PIGH: variants seen among roughly 807,000 people sequenced by gnomAD.
PIGH encodes phosphatidylinositol N-acetylglucosaminyltransferase subunit H.
A neutral mutation model predicts 20.1 loss-of-function variants in PIGH; 11 were observed. The ratio of observed to expected loss-of-function variants is 0.55; its 90% confidence interval spans 0.34 to 0.91. The LOEUF (loss-of-function observed/expected upper bound fraction) is 0.91, where lower values mean the gene tolerates loss of function less well. Among genes scored for constraint, PIGH ranks in the 40% least tolerant of loss-of-function variants. The probability of loss-of-function intolerance (pLI) is 0.02; values close to 1 mark genes in which losing one functional copy is unlikely to be tolerated. For missense variants in PIGH, 189 were observed against 233.6 expected, an observed-to-expected ratio of 0.81 and a Z score of 1.24; for synonymous variants, 72 against 93.1, an observed-to-expected ratio of 0.77 and a Z score of 1.31.
intron 2 of PIGH, chr14:67,593,515 G>C (rs931851159): frequency 9.6e-6 from 5 of 518,470 alleles, no homozygotes; most frequent in African/African-American, 5.8e-5. Context: ...AAAAAAGATA[G>C]AAAGAGAAGG....
At chr14:67,596,408 T>C (rs1021771443) in intron 1 of PIGH, among the ~76,000 whole-genome samples, 1 of 146,694 alleles carries the variant, frequency 6.8e-6, no homozygotes, top group African/African-American at 2.5e-5. Flanking sequence ...CCCAAAGTGC[T>C]GGGATTCCAG....
At chr14:67,593,694 G>T in intron 2 of PIGH, 49 bp downstream of exon 2, 1 of 1,084,144 alleles carries the variant, frequency 9.2e-7, no homozygotes, top group Non-Finnish European at 1.4e-6. Flanking sequence ...CCCATGGGCT[G>T]GCTACCTCCT....
chr14:67,598,304 G>C (rs568963668), intron 1 of PIGH, among the ~76,000 whole-genome samples: 2 of 152,212 alleles, frequency 1.3e-5, no homozygotes, highest in South Asian at 4.2e-4. Flanking sequence ...AGAGTACACC[G>C]GCATGAGAGA....
chr14:67,599,606 G>A (rs1338968255), intron 1 of PIGH, among the ~76,000 whole-genome samples: 2 of 152,082 alleles, frequency 1.3e-5, no homozygotes, highest in Admixed American at 1.3e-4. Flanking sequence ...GGAAGTCTAC[G>A]TAAAGTATTG....
chr14:67,594,005 C>T, intron 1 of PIGH, 53 bp from the exon 2 acceptor site: 1 of 1,241,992 alleles, frequency 8.1e-7, no homozygotes, highest in Non-Finnish European at 1.2e-6. Context: ...TACCAGTCAA[C>T]TCCAGGCAAT....
At chr14:67,595,554 T>A (rs1306132115) in intron 1 of PIGH, among the ~76,000 whole-genome samples, 1 of 152,210 alleles carries the variant, frequency 6.6e-6, no homozygotes, top group East Asian at 1.9e-4. Context: ...CTTCTGCCAA[T>A]GACTGCTTTA....
intron 3 of PIGH, 98 bp downstream of exon 3, chr14:67,592,537 C>T: frequency 1.4e-6 from 1 of 699,222 alleles, no homozygotes; most frequent in Non-Finnish European, 2.6e-6. Flanking sequence ...CTCAAAACAG[C>T]TGTCAGGTAT....
chr14:67,600,239 T>G lies in PIGH; in HGVS notation c.-36A>C. ...CTCGGCCGCCCGCACCGCGCGGCGC[T>G]GCACTGCGCTCGCCGGCCCTGGCCG... On this transcript the variant is annotated 5_prime_UTR_variant, in exon 1 of 4. Transcript: ENST00000216452. The G allele has an allele frequency of 6.6e-7, 1 of 1,507,628 alleles. No individual in the cohort carries two copies. Among genetic ancestry groups the G allele is most frequent in the South Asian group, 1.3e-5 (1 of 79,388 alleles). The allele number at this position is 1,507,628 out of a possible 1,614,324, so 93.4% of individuals were successfully genotyped here. A position where few individuals can be genotyped will look rare whatever the true frequency, so the allele number is the denominator to read the frequency against.
intron 1 of PIGH, among the ~76,000 whole-genome samples, chr14:67,597,267 C>G (rs149464862): frequency 2.3e-4 from 35 of 152,308 alleles, no homozygotes; most frequent in Non-Finnish European, 4.4e-4. Context: ...CGCTTGAGGC[C>G]AGGAGTTCAA....
intron 1 of PIGH, among the ~76,000 whole-genome samples, chr14:67,598,256 G>A (rs1594811207): frequency 6.6e-6 from 1 of 152,294 alleles, no homozygotes; most frequent in East Asian, 1.9e-4. Context: ...AAAGGAAGAT[G>A]CGGTCACTGA....
Position 67,600,147 on chromosome 14 carries a change from G to A in PIGH, c.57C>T (p.Arg19=), listed in dbSNP as rs2036551926. Residue 19 remains arginine (R), a synonymous_variant, in exon 1 of 4, where the codon CGC becomes CGT. Coordinates refer to ENST00000216452, the MANE Select transcript of PIGH (RefSeq NM_004569.5). ...DICGGRLALQ[R]RYYSPSCREF... ...CCCGGCAGGACGGGGAGTAGTAGCG[G>A]CGCTGCAGCGCCAGGCGGCCGCCGC... 7 of 1,592,846 alleles carry A rather than the reference G, an allele frequency of 4.4e-6. No homozygotes were observed. Among genetic ancestry groups the A allele is most frequent in the Non-Finnish European group, 5.1e-6 (6 of 1,170,622 alleles).
At position 67,600,220 on chromosome 14, in the gene PIGH, C is replaced by T. The variant is rs1450025327; in HGVS notation, c.-17G>A. ...ATCCTCCATGACGCCCCCACTCGGC[C>T]GCCCGCACCGCGCGGCGCTGCACTG... On this transcript the variant is annotated 5_prime_UTR_variant, in exon 1 of 4. Transcript: ENST00000216452. 1.3e-6 allele frequency: 2 copies of T among 1,551,956 alleles called. No individual in the cohort carries two copies. Among genetic ancestry groups the T allele is most frequent in the Non-Finnish European group, 8.7e-7 (1 of 1,150,366 alleles).
At chr14:67,591,539 T>A (rs550671923) in intron 3 of PIGH, among the ~76,000 whole-genome samples, 4 of 152,300 alleles carry the variant, frequency 2.6e-5, no homozygotes, top group Non-Finnish European at 5.9e-5. Flanking sequence ...TATGTTTGTA[T>A]AATTTTTGTT....
Position 67,589,758 on chromosome 14 carries a change from A to G in PIGH, c.*322T>C. 9.6e-7 allele frequency: 1 copy of G among 1,038,568 alleles called. No homozygotes were observed. Among genetic ancestry groups the G allele is most frequent in the Non-Finnish European group, 1.2e-6 (1 of 865,104 alleles). 64.3% of individuals were successfully genotyped at this position (1,038,568 alleles called of 1,614,324 possible). A position where few individuals can be genotyped will look rare whatever the true frequency, so the allele number is the denominator to read the frequency against. On this transcript the variant is annotated 3_prime_UTR_variant, in exon 4 of 4. Transcript: ENST00000216452. Reference sequence around the variant, plus strand: ...TTTCCCATTGTTTTGCTTCACAAACATCAACAAAGTAAACCTGAACATGCT... The same window carrying G: ...TTTCCCATTGTTTTGCTTCACAAACGTCAACAAAGTAAACCTGAACATGCT...
chr14:67,594,993 C>T (rs1212461380), intron 1 of PIGH, among the ~76,000 whole-genome samples: 1 of 151,660 alleles, frequency 6.6e-6, no homozygotes, highest in Non-Finnish European at 1.5e-5. Context: ...AAAAGTTAGC[C>T]GGGCGTAGTG....
intron 1 of PIGH, among the ~76,000 whole-genome samples, chr14:67,597,388 G>C (rs2036494351): frequency 6.6e-6 from 1 of 152,072 alleles, no homozygotes; most frequent in Non-Finnish European, 1.5e-5. Context: ...TGAGATAAGA[G>C]GATCGCTTGA....
intron 3 of PIGH, chr14:67,592,325 A>G: frequency 2.3e-6 from 1 of 438,980 alleles, no homozygotes; most frequent in Non-Finnish European, 4.2e-6. Context: ...CTGTAGTCCC[A>G]AGTTCTCAGG....
Position 67,589,738 on chromosome 14 carries a change from C to T in PIGH, c.*342G>A. On this transcript the variant is annotated 3_prime_UTR_variant, in exon 4 of 4. Transcript: ENST00000216452. ...CTCAAGACATCTGATGTCAGTTTCCCATTGTTTTGCTTCACAAACATCAAC... is the reference window on the plus strand; with the variant it reads ...CTCAAGACATCTGATGTCAGTTTCCTATTGTTTTGCTTCACAAACATCAAC... The T allele has an allele frequency of 9.8e-7, 1 of 1,015,316 alleles. No homozygotes were observed. The highest frequency in any genetic ancestry group is 1.2e-6 in the Non-Finnish European group (1 of 849,792). 62.9% of individuals were successfully genotyped at this position (1,015,316 alleles called of 1,614,324 possible). A position where few individuals can be genotyped will look rare whatever the true frequency, so the allele number is the denominator to read the frequency against.
rs73272350 is a variant in PIGH, at chr14:67,593,644, A to C, written c.390+99T>G. ...ATAAAGAGATTTACCTTTTAAATAT[A>C]AGTCTCACTTTTACGGTTTTAGTTT... On this transcript the variant is annotated intron_variant, in intron 2 of 3. Transcript: ENST00000216452. 1.7e-3 allele frequency: 1,158 copies of C among 675,914 alleles called. 11 individuals are homozygous for C. The African/African-American group carries it at 0.019, about 11-fold the overall frequency. The allele number at this position is 675,914 out of a possible 1,614,324, so 41.9% of individuals were successfully genotyped here.
Sources: allele counts gnomAD v4.1 joint callset (sites outside exome capture counted in the v4.1 genomes callset), GRCh38; gene constraint gnomAD v4.1.1; transcripts MANE v1.5; gene names NCBI Gene and HGNC (gene_info 2026-07-23, HGNC 2026-07-21).